Variants in ACTN1 observed in about 807,000 individuals in gnomAD.
ACTN1 encodes the protein alpha-actinin-1.
Under a neutral mutation model 119.6 loss-of-function variants are expected in ACTN1, and 30 were observed. The observed-to-expected ratio is 0.25, with a 90% CI of 0.19 to 0.34. The LOEUF (loss-of-function observed/expected upper bound fraction) is 0.34, where lower values mean the gene tolerates loss of function less well. Ranked by LOEUF, ACTN1 falls within the 10% of genes least tolerant of loss-of-function variation. ACTN1 has a pLI of 1.00. For missense variants in ACTN1, 764 were observed against 1,223.4 expected, an observed-to-expected ratio of 0.62 and a Z score of 5.60; for synonymous variants, 429 against 472.6, an observed-to-expected ratio of 0.91 and a Z score of 1.20.
intron 3 of ACTN1, among the ~76,000 whole-genome samples, chr14:68,916,001 G>A (rs116622100): frequency 9.3e-4 from 141 of 152,278 alleles, no homozygotes; most frequent in African/African-American, 2.9e-3. Context: ...GCAAGAGAGC[G>A]AGACTCATCT....
rs573867668 is a variant in ACTN1 at position 68,918,667 on chromosome 14, G to A, written c.340+2339C>T. On this transcript the variant is annotated intron_variant, in intron 3 of 21. Transcript: ENST00000394419. ...TCTCAACACTTTGGGAGGCCGAGGCGGGCGGATCACAAGGTCAGGAGATAG... is the reference window on the plus strand; with the variant it reads ...TCTCAACACTTTGGGAGGCCGAGGCAGGCGGATCACAAGGTCAGGAGATAG... Among the ~76,000 whole-genome samples, 221 of 152,170 alleles carry A rather than the reference G, an allele frequency of 1.5e-3. 2 individuals are homozygous for A. In the Middle Eastern group the frequency reaches 0.021, roughly 14 times the overall value.
Position 68,878,393 on chromosome 14 carries a change from CT to C in ACTN1, c.2427+64del. 6.6e-7 allele frequency: 1 copy of C among 1,512,984 alleles called. No individual in the cohort carries two copies. Among genetic ancestry groups the C allele is most frequent in the Non-Finnish European group, 8.8e-7 (1 of 1,132,996 alleles). 93.7% of individuals were successfully genotyped at this position (1,512,984 alleles called of 1,614,324 possible). A position where few individuals can be genotyped will look rare whatever the true frequency, so the allele number is the denominator to read the frequency against. On this transcript the variant is annotated intron_variant, in intron 20 of 21. Transcript: ENST00000394419. The surrounding 1 kb of genome is among the most constrained non-coding windows in gnomAD (Gnocchi z 4.4). ...GGCCTCCAGCCTGCCACTCCTGGGACTTGGCTGCTCCCGCCAGCTGGCTGCC... is the reference window on the plus strand; with the variant it reads ...GGCCTCCAGCCTGCCACTCCTGGGACTGGCTGCTCCCGCCAGCTGGCTGCC...
At chr14:68,978,851 G>C (rs1433232908) in intron 1 of ACTN1, 101 bp downstream of exon 1, 3 of 762,308 alleles carry the variant, frequency 3.9e-6, no homozygotes. Context: ...GTGCGCGCCC[G>C]GAACCGGTTC....
chr14:68,889,929 G>A (rs1290188587), intron 11 of ACTN1, among the ~76,000 whole-genome samples: 1 of 152,258 alleles, frequency 6.6e-6, no homozygotes, highest in East Asian at 1.9e-4. Flanking sequence ...ATTCTTACAA[G>A]CCTGTGAGGT....
intron 1 of ACTN1, among the ~76,000 whole-genome samples, chr14:68,976,519 A>C (rs75928347): frequency 6.6e-6 from 1 of 152,192 alleles, no homozygotes; most frequent in East Asian, 1.9e-4. Flanking sequence ...GGAAACAAAC[A>C]AACAAAAAAT....
Position 68,874,862 on chromosome 14 carries a change from G to A in ACTN1, c.2742C>T (p.Leu914=), listed in dbSNP as rs111795768. Residue 914 remains leucine (L), a synonymous_variant, in exon 22 of 22, where the codon CTC becomes CTT. Coordinates refer to ENST00000394419, the MANE Select transcript of ACTN1 (RefSeq NM_001130004.2). ...FSTALYGESD[L] ...GAGGGCGGCCGGGCGGGGTGGATTA[G>A]AGGTCACTCTCGCCGTACAGCGCCG... 8.2e-6 allele frequency: 13 copies of A among 1,579,898 alleles called. No homozygotes were observed. The African/African-American group carries it at 9.4e-5, about 11-fold the overall frequency.
intron 1 of ACTN1, among the ~76,000 whole-genome samples, chr14:68,958,534 G>C (rs878972924): frequency 6.6e-6 from 1 of 151,536 alleles, no homozygotes; most frequent in South Asian, 2.1e-4. Flanking sequence ...AAAAAAAACA[G>C]GTGGCACATT....
intron 1 of ACTN1, among the ~76,000 whole-genome samples, chr14:68,961,055 GTGAGACCCTGT>G: frequency 6.6e-6 from 1 of 152,152 alleles, no homozygotes; most frequent in Admixed American, 6.5e-5. Flanking sequence ...GGGTAACAGA[GTGAGACCCTGT>G]CTCTAAAACG....
At position 68,884,177 on chromosome 14, in the gene ACTN1, C is replaced by T; in HGVS notation, c.1626G>A (p.Glu542=). ...LQDTFIVHTI[E]EIQGLTTAHE... ...TGGAGGTGGGGCTCACCTGGATCTC[C>T]TCAATGGTGTGCACAATGAAGGTGT... Residue 542 remains glutamate, a synonymous_variant, in exon 14 of 22, where the codon GAG becomes GAA. Transcript: ENST00000394419. 1.2e-6 allele frequency: 2 copies of T among 1,613,728 alleles called. No homozygotes were observed. The highest frequency in any genetic ancestry group is 1.7e-6 in the Non-Finnish European group (2 of 1,179,738).
At chr14:68,906,154 G>A (rs1407960201) in intron 6 of ACTN1, among the ~76,000 whole-genome samples, 2 of 152,290 alleles carry the variant, frequency 1.3e-5, no homozygotes, top group African/African-American at 2.4e-5. Flanking sequence ...AAGATGGATG[G>A]TAGGAACAGT....
intron 1 of ACTN1, among the ~76,000 whole-genome samples, chr14:68,951,305 C>A (rs1368545026): frequency 6.6e-6 from 1 of 152,172 alleles, no homozygotes; most frequent in South Asian, 2.1e-4. Flanking sequence ...AGGGGCCCAG[C>A]CTTTTTACTC....
At chr14:68,938,912 G>A (rs565840739) in intron 1 of ACTN1, among the ~76,000 whole-genome samples, 6 of 152,280 alleles carry the variant, frequency 3.9e-5, no homozygotes, top group Non-Finnish European at 5.9e-5. Context: ...AGATGGGGAG[G>A]GGGGAGTGGA....
chr14:68,894,858 G>A (rs2032759263), intron 8 of ACTN1, among the ~76,000 whole-genome samples: 1 of 152,198 alleles, frequency 6.6e-6, no homozygotes, highest in African/African-American at 2.4e-5. Context: ...TTCAACTGCA[G>A]CAAGATGAAC....
chr14:68,972,761 G>A (rs1032276628), intron 1 of ACTN1, among the ~76,000 whole-genome samples: 5 of 152,250 alleles, frequency 3.3e-5, no homozygotes, highest in African/African-American at 1.2e-4. Context: ...TCCACCATTT[G>A]CTGGCTGCGT....
Position 68,880,647 on chromosome 14 carries a change from C to G in ACTN1, c.2133+163G>C, listed in dbSNP as rs2031419557. ...AGAAATGTGCATTCTCAACACATTC[C>G]TTGGGAAAGCAGAAGGTACTAAAAA... is the stretch of plus-strand genomic sequence containing the variant. On this transcript the variant is annotated intron_variant, in intron 17 of 21. Transcript: ENST00000394419. This position sits in a 1 kb window ranked among gnomAD's most constrained non-coding sequence, Gnocchi z 4.6. Among the ~76,000 whole-genome samples, 1 of 152,112 alleles carries G rather than the reference C, an allele frequency of 6.6e-6. No individual in the cohort carries two copies. Among genetic ancestry groups the G allele is most frequent in the Admixed American group, 6.5e-5 (1 of 15,276 alleles).
At chr14:68,888,189 T>C (rs2032182624) in intron 11 of ACTN1, 1 of 462,188 alleles carries the variant, frequency 2.2e-6, no homozygotes, top group East Asian at 4.5e-5. Context: ...ACGCCCAGGA[T>C]AGATTCTTTA....
intron 1 of ACTN1, among the ~76,000 whole-genome samples, chr14:68,949,689 A>AG (rs1482972035): frequency 2.0e-5 from 3 of 152,368 alleles, no homozygotes; most frequent in East Asian, 1.9e-4. Flanking sequence ...AACGGCCAAA[A>AG]GGGGGGAACA....
chr14:68,921,610 T>G (rs2034658469), intron 2 of ACTN1, among the ~76,000 whole-genome samples: 3 of 152,160 alleles, frequency 2.0e-5, no homozygotes, highest in Admixed American at 2.0e-4. Context: ...AGGAAAGGTC[T>G]GAGTCTTTGC....
chr14:68,959,158 C>G lies in ACTN1; in HGVS notation c.105+19794G>C, dbSNP rs188855601. 3.3e-5 allele frequency among the ~76,000 whole-genome samples: 5 copies of G among 152,324 alleles called. No homozygotes were observed. In the East Asian group the frequency reaches 7.7e-4, roughly 23 times the overall value. ...AGCCTGCTCTCCAGCTCCTGTCAAA[C>G]AACTGCCACGACAGAGTCTCCAAGA... On this transcript the variant is annotated intron_variant, in intron 1 of 21. Transcript: ENST00000394419.
Sources: gnomAD v4.1 joint callset for allele counts (sites outside exome capture counted in the v4.1 genomes callset) on GRCh38, gnomAD v4.1.1 for gene constraint, Gnocchi (gnomAD v3.1) non-coding constraint, MANE v1.5 for transcripts, NCBI Gene and HGNC (gene_info 2026-07-23, HGNC 2026-07-21) for gene names.